The following AUP1 variants were observed in gnomAD, a reference collection of about 807,000 sequenced individuals.
AUP1 encodes the protein lipid droplet-regulating VLDL assembly factor AUP1.
AUP1 carries 30 observed loss-of-function variants against 51.8 expected under a neutral mutation model. The observed-to-expected ratio is 0.58, with a 90% CI of 0.43 to 0.79. The LOEUF is 0.79. AUP1 is among the 30% of genes least tolerant of loss of function. AUP1 has a pLI of 0.00. For synonymous variants in AUP1, 227 were observed against 209.0 expected (o/e 1.09, Z -0.74); for missense variants, 492 against 517.1 (o/e 0.95, Z 0.47).
chr2:74,529,678 C>T lies in AUP1; in HGVS notation c.-49G>A. The T allele has an allele frequency of 5.2e-6, 8 of 1,542,340 alleles. No individual in the cohort carries two copies. The highest frequency in any genetic ancestry group is 7.0e-6 in the Non-Finnish European group (8 of 1,146,996). On this transcript the variant is annotated 5_prime_UTR_variant, in exon 1 of 12. Transcript: ENST00000377526. ...GCCGTCGCCGCCGCCGCCATTTTCG[C>T]GCCCGGCCGCAGGGGCTCTTGGGAA...
Position 74,528,334 on chromosome 2 carries a change from C to T in AUP1, c.598-13G>A, listed in dbSNP as rs776517183. The T allele has an allele frequency of 2.5e-6, 4 of 1,614,032 alleles. No individual in the cohort carries two copies. The South Asian group carries it at 4.4e-5, about 18-fold the overall frequency. On this transcript the variant is annotated splice_polypyrimidine_tract_variant and intron_variant, in intron 5 of 11. Transcript: ENST00000377526. The stretch of plus-strand genomic sequence containing the variant: ...CATCTGACACCGTCTGAGGGGAGGG[C>T]ATGAGATGAGGCCTAAGCCAGGGCC...
chr2:74,527,691 G>GA (rs551995892), intron 8 of AUP1, 45 bp downstream of exon 8: 42,482 of 887,208 alleles, frequency 0.048, 6 homozygotes, highest in South Asian at 0.053. Context: ...ACAGTAGGCC[G>GA]AAAAAAAAAA....
intron 4 of AUP1, 61 bp from the exon 5 acceptor site, chr2:74,528,550 T>C (rs558957690): frequency 4.0e-6 from 6 of 1,488,898 alleles, no homozygotes; most frequent in African/African-American, 1.4e-5. Flanking sequence ...AGCTCACACC[T>C]GCCTTATAAC....
At position 74,526,757 on chromosome 2, in the gene AUP1, G is replaced by A; in HGVS notation, c.*43C>T. On this transcript the variant is annotated 3_prime_UTR_variant, in exon 12 of 12. Transcript: ENST00000377526. ...GTGAGTTGGGTGAGGGCTGCCCCCAGTCTCCGTCCTGCGGCTCTGGGTGCC... is the reference window on the plus strand; with the variant it reads ...GTGAGTTGGGTGAGGGCTGCCCCCAATCTCCGTCCTGCGGCTCTGGGTGCC... The A allele has an allele frequency of 6.6e-7, 1 of 1,515,764 alleles. No individual in the cohort carries two copies. Among genetic ancestry groups the A allele is most frequent in the Non-Finnish European group, 8.8e-7 (1 of 1,132,898 alleles). The allele number at this position is 1,515,764 out of a possible 1,614,324, so 93.9% of individuals were successfully genotyped here. A position where few individuals can be genotyped will look rare whatever the true frequency, so the allele number is the denominator to read the frequency against.
chr2:74,528,634 G>T, intron 4 of AUP1, 117 bp downstream of exon 4: 3 of 1,404,408 alleles, frequency 2.1e-6, no homozygotes, highest in South Asian at 1.3e-5. Context: ...AAAGTGGACA[G>T]AAAGGAAATG....
Position 74,526,667 on chromosome 2 carries a change from G to T in AUP1, c.*133C>A. ...AACAGATGCCTTGAATGAAAACCAT[G>T]AATTTAATGTGACATTGGGGGAGCC... On this transcript the variant is annotated 3_prime_UTR_variant, in exon 12 of 12. Coordinates refer to ENST00000377526, the MANE Select transcript of AUP1 (RefSeq NM_181575.5). 8.8e-7 allele frequency: 1 copy of T among 1,142,046 alleles called. No individual in the cohort carries two copies. The highest frequency in any genetic ancestry group is 1.8e-5 in the South Asian group (1 of 56,738). The allele number at this position is 1,142,046 out of a possible 1,614,324, so 70.7% of individuals were successfully genotyped here.
rs768146322 is a variant in AUP1 at position 74,529,272 on chromosome 2, G to A, written c.199C>T (p.Arg67Trp). The A allele has an allele frequency of 5.3e-5, 86 of 1,614,086 alleles. No individual in the cohort carries two copies. The highest frequency in any genetic ancestry group is 7.2e-5 in the Non-Finnish European group (85 of 1,180,034). ...PDSVLRRFVV[R>W]TMCAVLGLVA... is the part of the protein sequence containing the mutation. ...AGCCCTAGCACCGCACACATGGTCCGCACTACGAATCTGGGGACACAGGAG... is the reference window on the plus strand; with the variant it reads ...AGCCCTAGCACCGCACACATGGTCCACACTACGAATCTGGGGACACAGGAG... The change falls in exon 3 of 12, where the codon CGG (arginine) becomes TGG (tryptophan). Residue 67 changes from arginine (R) to tryptophan (W), a missense_variant. Transcript: ENST00000377526.
At position 74,527,627 on chromosome 2, in the gene AUP1, G is replaced by A. The variant is rs753327853; in HGVS notation, c.842-37C>T. 3.8e-6 allele frequency: 6 copies of A among 1,590,382 alleles called. No homozygotes were observed. The Admixed American group carries it at 5.6e-5, about 15-fold the overall frequency. On this transcript the variant is annotated intron_variant, in intron 8 of 11. Transcript: ENST00000377526. ...GGAAAAAAAGAAAAAAGAAATTCTG[G>A]TAAGTAGAGAACTAGAAGGAGAGGC...
intron 8 of AUP1, 63 bp downstream of exon 8, chr2:74,527,673 G>C: frequency 6.3e-7 from 1 of 1,590,926 alleles, no homozygotes; most frequent in East Asian, 2.2e-5. Flanking sequence ...AGAAATAGGG[G>C]AGGAATCACA....
chr2:74,527,719 G>A lies in AUP1; in HGVS notation c.841+17C>T, dbSNP rs766839490. The A allele has an allele frequency of 1.9e-6, 3 of 1,612,150 alleles. No homozygotes were observed. The South Asian group carries it at 3.3e-5, about 18-fold the overall frequency. The stretch of plus-strand genomic sequence containing the variant: ...AAAAAAAAACCCCAAAAGCTGTAAT[G>A]TATAGAGACCACATACCTGACTGGG... On this transcript the variant is annotated intron_variant, in intron 8 of 11. Transcript: ENST00000377526.
intron 8 of AUP1, 44 bp downstream of exon 8, chr2:74,527,692 A>G (rs1329539100): frequency 3.4e-6 from 4 of 1,173,706 alleles, no homozygotes; most frequent in Non-Finnish European, 4.7e-6. Context: ...CAGTAGGCCG[A>G]AAAAAAAAAA....
rs1675213388 is a variant in AUP1 at position 74,526,932 on chromosome 2, C to T, written c.1196+9G>A. 6.2e-7 allele frequency: 1 copy of T among 1,613,796 alleles called. No individual in the cohort carries two copies. On this transcript the variant is annotated intron_variant, in intron 11 of 11. Coordinates refer to ENST00000377526, the MANE Select transcript of AUP1 (RefSeq NM_181575.5). Reference sequence around the variant, plus strand: ...CCACATCCTATTAATTGTCCTCTAACCCCCTCACCTTCTTGCGTATTCATA... The same window carrying T: ...CCACATCCTATTAATTGTCCTCTAATCCCCTCACCTTCTTGCGTATTCATA...
Position 74,529,421 on chromosome 2 carries a change from G to C in AUP1, c.129C>G (p.Leu43=), listed in dbSNP as rs1183739. The change falls in exon 2 of 12, where the codon CTC becomes CTG. Residue 43 remains leucine (L), a synonymous_variant. Coordinates refer to ENST00000377526, the MANE Select transcript of AUP1 (RefSeq NM_181575.5). ...PVGFCLLVLR[L]FLGIHVFLVS... ...CCAGGAAGACGTGGATCCCGAGAAA[G>C]AGGCGCAGGACGAGGAGGCAGAACC... is the stretch of plus-strand genomic sequence containing the variant. 0.14 allele frequency: 225,100 copies of C among 1,588,962 alleles called. 18,535 individuals are homozygous for C. Among genetic ancestry groups the C allele is most frequent in the Non-Finnish European group, 0.16 (189,799 of 1,166,886 alleles).
At position 74,526,711 on chromosome 2, in the gene AUP1, C is replaced by T; in HGVS notation, c.*89G>A. ...GGGAGCCTCATCCTTCCCTTTTTAC[C>T]ACCCACCCATCCAGCCTGTTGTGAG... is the stretch of plus-strand genomic sequence containing the variant. On this transcript the variant is annotated 3_prime_UTR_variant, in exon 12 of 12. Transcript: ENST00000377526. The T allele has an allele frequency of 7.0e-7, 1 of 1,422,982 alleles. No homozygotes were observed. Among genetic ancestry groups the T allele is most frequent in the Non-Finnish European group, 9.5e-7 (1 of 1,058,034 alleles). 88.1% of individuals were successfully genotyped at this position (1,422,982 alleles called of 1,614,324 possible). A position where few individuals can be genotyped will look rare whatever the true frequency, so the allele number is the denominator to read the frequency against.
intron 8 of AUP1, 68 bp downstream of exon 8, chr2:74,527,666 AAT>A (rs890607756): frequency 3.1e-6 from 5 of 1,590,620 alleles, no homozygotes; most frequent in Non-Finnish European, 8.5e-7. Flanking sequence ...CTAGCACAGA[AAT>A]AGGGGAGGAA....
rs770057558 is a variant in AUP1, at chr2:74,527,341, C to G, written c.984G>C (p.Leu328Phe). 43 of 1,613,956 alleles carry G rather than the reference C, an allele frequency of 2.7e-5. No homozygotes were observed. In the Admixed American group the frequency reaches 4.0e-4, roughly 15 times the overall value. Residue 328 changes from leucine to phenylalanine, a missense_variant, in exon 10 of 12, where the codon TTG becomes TTC. By Grantham distance (22) the Leu-to-Phe change is conservative (BLOSUM62 0). Transcript: ENST00000377526. ...RDLAKTGCVD[L>F]TITNLLEGAV... ...CCCCCTCAAGCAGATTAGTGATAGT[C>G]AAGTCTACACAGCCAGTCTTGGCTG... is the stretch of plus-strand genomic sequence containing the variant.
In AUP1 at chr2:74,529,017, G is replaced by A. The variant is rs550757667; in HGVS notation, c.340-82C>T. 66 of 1,603,192 alleles carry A rather than the reference G, an allele frequency of 4.1e-5. No individual in the cohort carries two copies. The African/African-American group carries it at 8.2e-4, about 20-fold the overall frequency. On this transcript the variant is annotated intron_variant, in intron 3 of 11. Coordinates refer to ENST00000377526, the MANE Select transcript of AUP1 (RefSeq NM_181575.5). ...AAACTGACATGTTGGGTAGAGGATC[G>A]GGGTTAGGGGTAAGGCTCAGTATCC...
At position 74,527,314 on chromosome 2, in the gene AUP1, G is replaced by A. The variant is rs374522745; in HGVS notation, c.1011C>T (p.Ala337=). ...TGATGTCTTCAGGCATGAAAGCTAC[G>A]GCCCCCTCAAGCAGATTAGTGATAG... ...DLTITNLLEG[A]VAFMPEDITK... is the part of the protein sequence containing the mutation. Residue 337 remains alanine (A), a synonymous_variant, in exon 10 of 12, where the codon GCC becomes GCT. Coordinates refer to ENST00000377526, the MANE Select transcript of AUP1 (RefSeq NM_181575.5). 4.8e-5 allele frequency: 77 copies of A among 1,613,956 alleles called. 1 individual carries two copies. In the South Asian group the frequency reaches 7.2e-4, roughly 15 times the overall value.
chr2:74,528,177 C>T, intron 6 of AUP1, 71 bp downstream of exon 6: 1 of 1,517,194 alleles, frequency 6.6e-7, no homozygotes, highest in Non-Finnish European at 9.1e-7. Flanking sequence ...ATGGACAGGG[C>T]AGAGGCCACT....
Sources: allele counts gnomAD v4.1 joint callset, GRCh38; gene constraint gnomAD v4.1.1; transcripts MANE v1.5; gene names NCBI Gene and HGNC (gene_info 2026-07-23, HGNC 2026-07-21).